Variants in COG5 observed in about 807,000 individuals in gnomAD.
The protein encoded by COG5 is conserved oligomeric Golgi complex subunit 5.
In COG5, 86 loss-of-function variants were observed where a neutral mutation model predicts 110.4. The ratio of observed to expected loss-of-function variants is 0.78; its 90% CI spans 0.65 to 0.93. The LOEUF (loss-of-function observed/expected upper bound fraction) is 0.93, where lower values mean the gene tolerates loss of function less well. Among genes scored for constraint, COG5 ranks in the 40% least tolerant of loss-of-function variants. The pLI is 0.00. For missense variants in COG5, 1,077 were observed against 987.0 expected (o/e 1.09, Z -1.22); for synonymous variants, 360 against 334.6 (o/e 1.08, Z -0.83).
At chr7:107,543,939 C>T (rs542687285) in intron 5 of COG5, among the ~76,000 whole-genome samples, 1 of 152,238 alleles carries the variant, frequency 6.6e-6, no homozygotes, top group South Asian at 2.1e-4. Flanking sequence ...CAGGCCTGCC[C>T]CCAAGACCTG....
intron 16 of COG5, among the ~76,000 whole-genome samples, chr7:107,255,735 CT>C (rs1485321510): frequency 1.3e-5 from 2 of 151,998 alleles, no homozygotes; most frequent in Non-Finnish European, 2.9e-5. Context: ...CAAGAGAGAG[CT>C]TATTTACTTG....
chr7:107,302,599 C>G, intron 11 of COG5, among the ~76,000 whole-genome samples: 1 of 152,134 alleles, frequency 6.6e-6, no homozygotes, highest in East Asian at 1.9e-4. Context: ...CCTCCCTCTT[C>G]CCTGATAAAG....
At chr7:107,471,456 G>GC (rs1796628463) in intron 6 of COG5, 1 of 151,938 alleles carries the variant, frequency 6.6e-6, no homozygotes, top group African/African-American at 2.4e-5. Flanking sequence ...TCTGAACTAC[G>GC]AACTGCAAGA....
intron 2 of COG5, among the ~76,000 whole-genome samples, chr7:107,555,453 T>A (rs940475748): frequency 1.3e-5 from 2 of 152,238 alleles, no homozygotes; most frequent in African/African-American, 4.8e-5. Flanking sequence ...CTGTCAAGTT[T>A]CTTTCTATCA....
intron 14 of COG5, among the ~76,000 whole-genome samples, chr7:107,275,344 GT>G (rs1584607946): frequency 6.6e-6 from 1 of 151,160 alleles, no homozygotes; most frequent in East Asian, 1.9e-4. Flanking sequence ...GGATTGGTGT[GT>G]TTGTATCACA....
chr7:107,559,130 T>C (rs1803575032), intron 1 of COG5, among the ~76,000 whole-genome samples: 1 of 152,060 alleles, frequency 6.6e-6, no homozygotes, highest in African/African-American at 2.4e-5. Flanking sequence ...AATATAAATT[T>C]ATAGGTGTTA....
chr7:107,432,861 C>T (rs1291143847), intron 6 of COG5, among the ~76,000 whole-genome samples: 1 of 151,852 alleles, frequency 6.6e-6, no homozygotes, highest in Admixed American at 6.6e-5. Flanking sequence ...AAATAAAAGG[C>T]ATCCAAATTG....
chr7:107,332,914 A>T (rs1022541524), intron 10 of COG5, among the ~76,000 whole-genome samples: 1 of 152,140 alleles, frequency 6.6e-6, no homozygotes, highest in Non-Finnish European at 1.5e-5. Context: ...CAAAAAACAA[A>T]AGTGAAAACT....
chr7:107,500,566 A>C lies in COG5; in HGVS notation c.538+26671T>G, dbSNP rs537000333. Among the ~76,000 whole-genome samples the C allele has an allele frequency of 2.6e-5, 4 of 152,306 alleles. No individual in the cohort carries two copies. In the South Asian group the frequency reaches 8.3e-4, roughly 32 times the overall value. On this transcript the variant is annotated intron_variant, in intron 6 of 21. Coordinates refer to ENST00000297135, the MANE Select transcript of COG5 (RefSeq NM_006348.5). ...CTGATTGGATTTTAGAGAATGGTTTACCAGATATAATAATTTCAGGGTTTT... is the reference window on the plus strand; with the variant it reads ...CTGATTGGATTTTAGAGAATGGTTTCCCAGATATAATAATTTCAGGGTTTT...
rs149369846 is a variant in COG5, at chr7:107,222,423, C to G, written c.2168+8192G>C. ...ATTTCACTATGCTGGCCAGGCTGGTCTCAAACTCCTAACCTCGTGATCCGC... is the reference window on the plus strand; with the variant it reads ...ATTTCACTATGCTGGCCAGGCTGGTGTCAAACTCCTAACCTCGTGATCCGC... On this transcript the variant is annotated intron_variant, in intron 19 of 21. Transcript: ENST00000297135. Among the ~76,000 whole-genome samples the G allele has an allele frequency of 8.1e-3, 1,230 of 152,282 alleles. 22 individuals carry two copies. Among genetic ancestry groups the G allele is most frequent in the African/African-American group, 0.027 (1,117 of 41,562 alleles).
chr7:107,420,215 C>G (rs1163967487), intron 6 of COG5, among the ~76,000 whole-genome samples: 3 of 152,144 alleles, frequency 2.0e-5, no homozygotes, highest in Admixed American at 6.5e-5. Flanking sequence ...CTAAACTTTT[C>G]TGAGACTCCA....
At chr7:107,534,801 G>C (rs1176641276) in intron 5 of COG5, among the ~76,000 whole-genome samples, 1 of 151,524 alleles carries the variant, frequency 6.6e-6, no homozygotes, top group African/African-American at 2.4e-5. Context: ...CTTGAACTCA[G>C]CTCTGGACCA....
At chr7:107,241,646 G>C (rs940400915) in intron 17 of COG5, among the ~76,000 whole-genome samples, 1 of 151,864 alleles carries the variant, frequency 6.6e-6, no homozygotes, top group Non-Finnish European at 1.5e-5. Flanking sequence ...TAGAGACGGG[G>C]TTTCACCGTG....
intron 7 of COG5, among the ~76,000 whole-genome samples, chr7:107,378,503 T>A (rs190789241): frequency 2.5e-3 from 377 of 152,194 alleles, no homozygotes; most frequent in African/African-American, 8.7e-3. Flanking sequence ...TCTAACCCAA[T>A]GCAAGGAAGC....
chr7:107,287,895 C>T (rs981072860), intron 12 of COG5, among the ~76,000 whole-genome samples: 1 of 152,108 alleles, frequency 6.6e-6, no homozygotes, highest in African/African-American at 2.4e-5. Flanking sequence ...GAATATAGCA[C>T]ATTTTGTTTA....
At chr7:107,241,982 A>G (rs78699058) in intron 17 of COG5, among the ~76,000 whole-genome samples, 1 of 151,976 alleles carries the variant, frequency 6.6e-6, no homozygotes, top group Non-Finnish European at 1.5e-5. Flanking sequence ...GGGTTTCACC[A>G]TGCTGCCTAG....
intron 5 of COG5, among the ~76,000 whole-genome samples, chr7:107,538,150 T>A (rs764973662): frequency 9.9e-5 from 15 of 152,136 alleles, no homozygotes; most frequent in Non-Finnish European, 2.2e-4. Flanking sequence ...CATCTTTGCT[T>A]TTCTTTGTAA....
At chr7:107,332,360 G>A (rs1274704531) in intron 10 of COG5, among the ~76,000 whole-genome samples, 1 of 152,142 alleles carries the variant, frequency 6.6e-6, no homozygotes, top group Non-Finnish European at 1.5e-5. Flanking sequence ...AGTGGGTGGA[G>A]ATGATTATAA....
At chr7:107,364,530 T>A (rs1055168383) in intron 8 of COG5, among the ~76,000 whole-genome samples, 1 of 152,192 alleles carries the variant, frequency 6.6e-6, no homozygotes, top group African/African-American at 2.4e-5. Flanking sequence ...GGAATCTTTA[T>A]GTAAAGGTTT....
Sources: allele counts gnomAD v4.1 joint callset (sites outside exome capture counted in the v4.1 genomes callset), GRCh38; gene constraint gnomAD v4.1.1; transcripts MANE v1.5; gene names NCBI Gene and HGNC (gene_info 2026-07-23, HGNC 2026-07-21).